The following SGCD variants were observed in gnomAD, a reference collection of about 807,000 sequenced individuals.
SGCD encodes delta-sarcoglycan.
A neutral mutation model predicts 36.6 loss-of-function variants in SGCD; 18 were observed. The observed-to-expected ratio is 0.49, with a 90% confidence interval of 0.34 to 0.73. SGCD has a LOEUF of 0.73. Ranked by LOEUF, SGCD falls within the 30% of genes least tolerant of loss-of-function variation. The probability of loss-of-function intolerance (pLI) is 0.01; values close to 1 mark genes in which losing one functional copy is unlikely to be tolerated. For synonymous variants in SGCD, 133 were observed against 130.6 expected, an observed-to-expected ratio of 1.02 and a Z score of -0.12; for missense variants, 387 against 346.7, an observed-to-expected ratio of 1.12 and a Z score of -0.92.
At chr5:156,425,094 C>T (rs753406809) in intron 3 of SGCD, among the ~76,000 whole-genome samples, 2 of 152,030 alleles carry the variant, frequency 1.3e-5, no homozygotes, top group East Asian at 1.9e-4. Context: ...CAAACTCCAG[C>T]GAAAGCCAAC....
intron 1 of SGCD, among the ~76,000 whole-genome samples, chr5:156,033,651 C>T (rs144528489): frequency 1.3e-5 from 2 of 152,246 alleles, no homozygotes; most frequent in Non-Finnish European, 2.9e-5. Context: ...AGCCAAGGCC[C>T]AGGGAGGTAA....
At chr5:156,681,509 C>T (rs1236425739) in intron 7 of SGCD, among the ~76,000 whole-genome samples, 4 of 152,144 alleles carry the variant, frequency 2.6e-5, no homozygotes, top group Non-Finnish European at 5.9e-5. Context: ...AAAATGGGGT[C>T]AGCTGTTTTT....
At chr5:155,760,165 TCCTCACCAACAC>T in the SGCD span, among the ~76,000 whole-genome samples, 1 of 141,074 alleles carries the variant, frequency 7.1e-6, no homozygotes, top group Admixed American at 7.0e-5. Context: ...CTCACCATCA[TCCTCACCAACAC>T]CCTCTCCATC....
chr5:155,780,589 C>G, the SGCD span, among the ~76,000 whole-genome samples: 1 of 152,090 alleles, frequency 6.6e-6, no homozygotes, highest in Non-Finnish European at 1.5e-5. Flanking sequence ...GATGCAGTGG[C>G]ATTTGAATTG....
chr5:155,749,414 T>C, the SGCD span, among the ~76,000 whole-genome samples: 1 of 152,230 alleles, frequency 6.6e-6, no homozygotes, highest in East Asian at 1.9e-4. Context: ...CATATGATTA[T>C]ACAGTTGATT....
intron 1 of SGCD, among the ~76,000 whole-genome samples, chr5:156,090,777 C>T (rs192276201): frequency 6.6e-6 from 1 of 152,128 alleles, no homozygotes; most frequent in African/African-American, 2.4e-5. Context: ...TATAGACCTA[C>T]CCCTGGGAAT....
intron 1 of SGCD, among the ~76,000 whole-genome samples, chr5:155,994,125 A>G (rs565698708): frequency 1.3e-5 from 2 of 152,322 alleles, no homozygotes; most frequent in African/African-American, 4.8e-5. Context: ...ACCCTCCCAC[A>G]CTAGAGGCAT....
intron 4 of SGCD, among the ~76,000 whole-genome samples, chr5:156,529,307 C>G (rs1757782101): frequency 6.6e-6 from 1 of 151,750 alleles, no homozygotes; most frequent in East Asian, 1.9e-4. Context: ...TGCCGGTAGT[C>G]CCAGCTACTC....
the SGCD span, among the ~76,000 whole-genome samples, chr5:155,748,788 A>C: frequency 6.6e-6 from 1 of 152,224 alleles, no homozygotes; most frequent in Admixed American, 6.5e-5. Context: ...GATGTGCTAT[A>C]CTTCCTGAGA....
the SGCD span, among the ~76,000 whole-genome samples, chr5:155,770,967 C>A: frequency 6.6e-6 from 1 of 152,054 alleles, no homozygotes; most frequent in Non-Finnish European, 1.5e-5. Context: ...TCGTTTAAAT[C>A]CCACTGAGAG....
At chr5:155,854,130 T>C in the SGCD span, among the ~76,000 whole-genome samples, 1 of 152,188 alleles carries the variant, frequency 6.6e-6, no homozygotes, top group Non-Finnish European at 1.5e-5. Context: ...CATTATAACA[T>C]AGACTGTAAA....
intron 1 of SGCD, among the ~76,000 whole-genome samples, chr5:155,888,604 T>G (rs891302061): frequency 1.3e-5 from 2 of 152,132 alleles, no homozygotes; most frequent in Non-Finnish European, 2.9e-5. Context: ...AAAAAGTATA[T>G]GATCGAATGG....
At chr5:156,740,433 A>G (rs1756612447) in intron 7 of SGCD, among the ~76,000 whole-genome samples, 4 of 152,236 alleles carry the variant, frequency 2.6e-5, no homozygotes, top group Admixed American at 2.0e-4. Flanking sequence ...AAAGATTGCA[A>G]TGAATTATGT....
chr5:155,974,056 A>G (rs545620888), intron 1 of SGCD, among the ~76,000 whole-genome samples: 30 of 152,310 alleles, frequency 2.0e-4, no homozygotes, highest in Admixed American at 3.3e-4. Flanking sequence ...GCTGTCTGTT[A>G]AAGTAGCCCA....
intron 1 of SGCD, among the ~76,000 whole-genome samples, chr5:156,041,570 C>T (rs1306187160): frequency 6.6e-6 from 1 of 152,120 alleles, no homozygotes; most frequent in African/African-American, 2.4e-5. Flanking sequence ...ATTTATCATT[C>T]ATCCATCAAC....
At chr5:156,728,656 A>G in intron 7 of SGCD, among the ~76,000 whole-genome samples, 1 of 151,846 alleles carries the variant, frequency 6.6e-6, no homozygotes, top group Non-Finnish European at 1.5e-5. Flanking sequence ...TTTTTCTGTC[A>G]TAATTATTTA....
intron 1 of SGCD, among the ~76,000 whole-genome samples, chr5:155,916,053 C>G (rs111885664): frequency 6.6e-6 from 1 of 152,144 alleles, no homozygotes; most frequent in Non-Finnish European, 1.5e-5. Context: ...TACAAGCCCC[C>G]GGAGGCCATA....
chr5:155,805,079 C>A, the SGCD span, among the ~76,000 whole-genome samples: 10 of 152,158 alleles, frequency 6.6e-5, no homozygotes, highest in African/African-American at 2.4e-4. Flanking sequence ...TTAAATACCA[C>A]ACATGATTAG....
At chr5:156,176,089 T>C (rs182543498) in intron 3 of SGCD, among the ~76,000 whole-genome samples, 10 of 152,022 alleles carry the variant, frequency 6.6e-5, no homozygotes, top group African/African-American at 2.2e-4. Flanking sequence ...TAAGTTAGTG[T>C]AGTGCAGTAT....
Sources: gnomAD v4.1 joint callset for allele counts (sites outside exome capture counted in the v4.1 genomes callset) on GRCh38, gnomAD v4.1.1 for gene constraint, MANE v1.5 for transcripts, NCBI Gene and HGNC (gene_info 2026-07-23, HGNC 2026-07-21) for gene names.